SPATA16: variants seen among roughly 807,000 people sequenced by gnomAD.
SPATA16 encodes spermatogenesis associated 16.
Under a neutral mutation model 63.3 loss-of-function variants are expected in SPATA16, and 36 were observed. That is an observed-to-expected ratio of 0.57 (90% CI 0.44 to 0.75). The LOEUF (loss-of-function observed/expected upper bound fraction) is 0.75. Ranked by LOEUF, SPATA16 falls within the 30% of genes least tolerant of loss-of-function variation. SPATA16 has a pLI of 0.00. For synonymous variants in SPATA16, 203 were observed against 216.7 expected (o/e 0.94, Z 0.56); for missense variants, 646 against 679.3 (o/e 0.95, Z 0.54).
At position 172,984,791 on chromosome 3, in the gene SPATA16, C is replaced by T. The variant is rs191003428; in HGVS notation, c.849-7739G>A. Among the ~76,000 whole-genome samples the T allele has an allele frequency of 3.1e-3, 465 of 152,220 alleles. 2 individuals carry two copies. Among genetic ancestry groups the T allele is most frequent in the Non-Finnish European group, 5.5e-3 (375 of 68,002 alleles). ...TGCTAGTCTGAAATTTCAAATATTG[C>T]CTGTTCCTAGATTCTCAATTGGTAA... On this transcript the variant is annotated intron_variant, in intron 4 of 10. Coordinates refer to ENST00000351008, the MANE Select transcript of SPATA16 (RefSeq NM_031955.6).
At position 173,019,534 on chromosome 3, in the gene SPATA16, C is replaced by G. The variant is rs201022124; in HGVS notation, c.800G>C (p.Arg267Pro). The G allele has an allele frequency of 6.2e-7, 1 of 1,614,028 alleles. No homozygotes were observed. Among genetic ancestry groups the G allele is most frequent in the East Asian group, 2.2e-5 (1 of 44,854 alleles). The stretch of plus-strand genomic sequence containing the variant: ...CAGACATCTAAACACTGTTGCTTGA[C>G]GAAGATGATTCCGGAAATAGGCTGG... ...LNPAYFRNHL[R>P]QATVFRCLER... is the part of the protein sequence containing the mutation. Residue 267 changes from arginine (R) to proline (P), a missense_variant, in exon 4 of 11, where the codon CGT (arginine) becomes CCT (proline). Transcript: ENST00000351008.
chr3:172,896,131 C>T (rs1330402622), intron 10 of SPATA16, among the ~76,000 whole-genome samples: 1 of 152,014 alleles, frequency 6.6e-6, no homozygotes, highest in Non-Finnish European at 1.5e-5. Context: ...CCAGCTGATC[C>T]ATCACGTGCA....
intron 1 of SPATA16, among the ~76,000 whole-genome samples, chr3:173,125,440 G>A (rs1738201322): frequency 6.6e-6 from 1 of 152,086 alleles, no homozygotes; most frequent in Non-Finnish European, 1.5e-5. Context: ...ACCTAGAATC[G>A]AATACAATCT....
At chr3:173,056,360 G>A (rs955080336) in intron 2 of SPATA16, among the ~76,000 whole-genome samples, 2 of 152,102 alleles carry the variant, frequency 1.3e-5, no homozygotes, top group African/African-American at 4.8e-5. Context: ...GAGCAAATGT[G>A]GATGGTAACT....
intron 5 of SPATA16, among the ~76,000 whole-genome samples, chr3:172,968,325 G>T (rs1733966214): frequency 6.6e-6 from 1 of 152,184 alleles, no homozygotes; most frequent in Non-Finnish European, 1.5e-5. Flanking sequence ...CTCAGTGAGA[G>T]TTGGGGCTTC....
intron 4 of SPATA16, among the ~76,000 whole-genome samples, chr3:173,001,431 C>T (rs1037144536): frequency 6.6e-6 from 1 of 152,132 alleles, no homozygotes; most frequent in East Asian, 1.9e-4. Context: ...GAACAGAATG[C>T]TGTGGTGTAT....
intron 4 of SPATA16, among the ~76,000 whole-genome samples, chr3:173,000,062 T>G (rs1734781099): frequency 1.3e-5 from 2 of 152,318 alleles, no homozygotes; most frequent in East Asian, 3.9e-4. Flanking sequence ...TAACAGTTAA[T>G]AAGAGGTGGG....
chr3:172,957,342 C>T (rs988536007), intron 5 of SPATA16, among the ~76,000 whole-genome samples: 7 of 152,106 alleles, frequency 4.6e-5, no homozygotes, highest in Non-Finnish European at 7.4e-5. Context: ...TCAATTTCCT[C>T]CCAGAAAAGC....
intron 3 of SPATA16, among the ~76,000 whole-genome samples, chr3:173,027,980 T>TCCCC (rs1735491586): frequency 2.9e-5 from 1 of 34,592 alleles, no homozygotes; most frequent in Non-Finnish European, 5.3e-5. Context: ...TTTTTCTCCC[T>TCCCC]CCCTCCCTCC....
intron 2 of SPATA16, among the ~76,000 whole-genome samples, chr3:173,058,034 T>G (rs1736291430): frequency 6.6e-6 from 1 of 152,140 alleles, no homozygotes; most frequent in African/African-American, 2.4e-5. Context: ...CAAAATTCTA[T>G]TATTAAAAAG....
At chr3:173,008,917 C>T (rs1158798328) in intron 4 of SPATA16, among the ~76,000 whole-genome samples, 3 of 152,084 alleles carry the variant, frequency 2.0e-5, no homozygotes, top group African/African-American at 7.2e-5. Context: ...GCTAAATGTA[C>T]ATAGGAAAAT....
intron 2 of SPATA16, among the ~76,000 whole-genome samples, chr3:173,099,514 C>T (rs555573909): frequency 7.4e-4 from 112 of 152,080 alleles, no homozygotes; most frequent in African/African-American, 2.5e-3. Context: ...GGTAGACTAC[C>T]GTACTATTAT....
chr3:172,905,708 T>TA (rs1732219074), intron 10 of SPATA16, among the ~76,000 whole-genome samples: 1 of 135,332 alleles, frequency 7.4e-6, no homozygotes, highest in Non-Finnish European at 1.6e-5. Flanking sequence ...ATTTTGAGGT[T>TA]AAAAAGGAAC....
In SPATA16 at chr3:172,948,293, G is replaced by A. The variant is rs112425900; in HGVS notation, c.1081+8384C>T. The stretch of plus-strand genomic sequence containing the variant: ...TACGTCTGGCAGCCGACTTCTCTGT[G>A]GAAACCTTATAGGCCAGGCCGGAGT... On this transcript the variant is annotated intron_variant, in intron 6 of 10. Transcript: ENST00000351008. Among the ~76,000 whole-genome samples the A allele has an allele frequency of 9.8e-3, 1,495 of 152,218 alleles. 21 individuals are homozygous for A. The highest frequency in any genetic ancestry group is 0.033 in the African/African-American group (1,367 of 41,520).
chr3:172,912,593 A>G (rs922022457), intron 10 of SPATA16, among the ~76,000 whole-genome samples: 1 of 152,146 alleles, frequency 6.6e-6, no homozygotes, highest in African/African-American at 2.4e-5. Flanking sequence ...CATGAAGACA[A>G]CAAGGGTGAA....
intron 2 of SPATA16, among the ~76,000 whole-genome samples, chr3:173,068,064 T>C (rs564510299): frequency 6.6e-6 from 1 of 151,284 alleles, no homozygotes; most frequent in African/African-American, 2.4e-5. Context: ...CTTCATCAAC[T>C]CTAGGCTGGT....
rs146062120 is a variant in SPATA16 at position 172,943,677 on chromosome 3, T to C, written c.1081+13000A>G. On this transcript the variant is annotated intron_variant, in intron 6 of 10. Transcript: ENST00000351008. ...ATTGCTTGAACCTGGGAGGCAGAGG[T>C]TGCAGTGAGCCAAGATTGCGCCATT... Among the ~76,000 whole-genome samples, 1,148 of 152,146 alleles carry C rather than the reference T, an allele frequency of 7.5e-3. 13 individuals carry two copies. The highest frequency in any genetic ancestry group is 0.026 in the African/African-American group (1,063 of 41,490).
Position 173,027,973 on chromosome 3 carries a change from T to TCC in SPATA16, c.759-8399_759-8398insGG, listed in dbSNP as rs1560100831. Among the ~76,000 whole-genome samples, 20 of 84,822 alleles carry TCC rather than the reference T, an allele frequency of 2.4e-4. No homozygotes were observed. In the East Asian group the frequency reaches 5.1e-3, roughly 22 times the overall value. 55.6% of individuals were successfully genotyped at this position (84,822 alleles called of 152,430 possible). On this transcript the variant is annotated intron_variant, in intron 3 of 10. Transcript: ENST00000351008. ...AGGGATTAGGGAACAAATTTATTTT[T>TCC]TCTCCCTCCCTCCCTCCCTCCCTCC...
chr3:172,928,612 T>C (rs1732793988), intron 6 of SPATA16, among the ~76,000 whole-genome samples: 1 of 152,148 alleles, frequency 6.6e-6, no homozygotes, highest in South Asian at 2.1e-4. Context: ...ATTTGATAGA[T>C]AGATAGGAGA....
Sources: allele counts gnomAD v4.1 joint callset (sites outside exome capture counted in the v4.1 genomes callset), GRCh38; gene constraint gnomAD v4.1.1; transcripts MANE v1.5; gene names NCBI Gene and HGNC (gene_info 2026-07-23, HGNC 2026-07-21).